AMMECR1: variants seen among roughly 807,000 people sequenced by gnomAD.
AMMECR1 encodes the protein AMMECR nuclear protein 1.
In AMMECR1, 3 loss-of-function variants were observed where a neutral mutation model predicts 22.5. The ratio of observed to expected loss-of-function variants is 0.13; its 90% CI spans 0.06 to 0.35. AMMECR1 has a LOEUF of 0.35. Ranked by LOEUF, AMMECR1 falls within the 10% of genes least tolerant of loss-of-function variation. AMMECR1 has a pLI of 1.00. For missense variants in AMMECR1, 235 were observed against 278.7 expected (o/e 0.84, Z 1.12); for synonymous variants, 130 against 116.7 (o/e 1.11, Z -0.74).
intron 2 of AMMECR1, among the ~76,000 whole-genome samples, chrX:110,405,291 G>A (rs1425924848): frequency 8.9e-6 from 1 of 111,838 alleles, no homozygotes; most frequent in Non-Finnish European, 1.9e-5. Context: ...GTAAAGAGGG[G>A]AACATTAAAA....
chrX:110,395,526 G>C, intron 2 of AMMECR1, among the ~76,000 whole-genome samples: 1 of 112,464 alleles, frequency 8.9e-6, no homozygotes, highest in East Asian at 2.8e-4. Context: ...TAACAGAAGA[G>C]GATACAAAAG....
chrX:110,403,978 A>G (rs1229841266), intron 2 of AMMECR1, among the ~76,000 whole-genome samples: 1 of 112,207 alleles, frequency 8.9e-6, no homozygotes, highest in Non-Finnish European at 1.9e-5. Context: ...TAGCCTGTGA[A>G]CTTCTTCTCC....
At chrX:110,356,115 A>G (rs1176319530) in intron 2 of AMMECR1, among the ~76,000 whole-genome samples, 1 of 108,428 alleles carries the variant, frequency 9.2e-6, no homozygotes, top group Non-Finnish European at 1.9e-5. Context: ...TGTTGATCAA[A>G]TTATATAAAA....
intron 2 of AMMECR1, among the ~76,000 whole-genome samples, chrX:110,410,224 C>T (rs746023560): frequency 2.7e-4 from 30 of 111,263 alleles, no homozygotes; most frequent in African/African-American, 6.9e-4. Context: ...GGTGGTGGGA[C>T]GATCTGACAT....
At chrX:110,296,819 T>A (rs1167730352) in intron 1 of AMMECR1, among the ~76,000 whole-genome samples, 1 of 110,936 alleles carries the variant, frequency 9.0e-6, no homozygotes, top group Non-Finnish European at 1.9e-5. Context: ...TTGAACAGGT[T>A]TACAATAACA....
intron 2 of AMMECR1, among the ~76,000 whole-genome samples, chrX:110,357,297 A>G (rs1261491968): frequency 8.9e-6 from 1 of 112,518 alleles, no homozygotes; most frequent in African/African-American, 3.2e-5. Context: ...TATACATAAA[A>G]TCAGAAAAGA....
At chrX:110,333,754 A>G (rs890155298) in intron 2 of AMMECR1, among the ~76,000 whole-genome samples, 4 of 109,842 alleles carry the variant, frequency 3.6e-5, no homozygotes, top group Non-Finnish European at 7.6e-5. Context: ...GTTCTCACTC[A>G]TAAGTGGGAG....
chrX:110,289,711 C>T (rs1486007806), intron 1 of AMMECR1, among the ~76,000 whole-genome samples: 1 of 112,000 alleles, frequency 8.9e-6, no homozygotes, highest in Non-Finnish European at 1.9e-5. Flanking sequence ...TCCTATTAGT[C>T]CACAGTATAC....
intron 2 of AMMECR1, among the ~76,000 whole-genome samples, chrX:110,382,776 A>G (rs1191771818): frequency 9.0e-6 from 1 of 111,541 alleles, no homozygotes; most frequent in African/African-American, 3.3e-5. Flanking sequence ...CCTTCTCCCC[A>G]TTTCCACTCA....
intron 2 of AMMECR1, among the ~76,000 whole-genome samples, chrX:110,377,485 A>G (rs1349245658): frequency 1.8e-5 from 2 of 111,775 alleles, no homozygotes; most frequent in Non-Finnish European, 3.8e-5. Flanking sequence ...TTCTTTTAAT[A>G]ATAAAAAGCA....
chrX:110,374,872 G>A (rs1302419292), intron 2 of AMMECR1, among the ~76,000 whole-genome samples: 1 of 110,848 alleles, frequency 9.0e-6, no homozygotes, highest in African/African-American at 3.3e-5. Context: ...GATTATGGAG[G>A]GCCTAAGAAG....
At chrX:110,357,013 T>C (rs1602923177) in intron 2 of AMMECR1, among the ~76,000 whole-genome samples, 1 of 112,132 alleles carries the variant, frequency 8.9e-6, no homozygotes, top group Non-Finnish European at 1.9e-5. Flanking sequence ...GAATTACTTT[T>C]CAAAATTCTT....
At chrX:110,338,915 G>T (rs1297008417) in intron 2 of AMMECR1, among the ~76,000 whole-genome samples, 1 of 111,785 alleles carries the variant, frequency 8.9e-6, no homozygotes, top group Non-Finnish European at 1.9e-5. Flanking sequence ...CCAGGGAACT[G>T]CCTGGGGTGC....
chrX:110,332,435 A>G (rs2068124497), intron 2 of AMMECR1, among the ~76,000 whole-genome samples: 1 of 112,111 alleles, frequency 8.9e-6, no homozygotes, highest in African/African-American at 3.2e-5. Context: ...AATACATGCA[A>G]TATTGAAATT....
chrX:110,376,461 A>G (rs2068377291), intron 2 of AMMECR1, among the ~76,000 whole-genome samples: 1 of 111,481 alleles, frequency 9.0e-6, no homozygotes, highest in African/African-American at 3.3e-5. Context: ...TATTAGCCCA[A>G]GTGAGTTAAG....
chrX:110,378,520 C>A (rs1378320139), intron 2 of AMMECR1, among the ~76,000 whole-genome samples: 1 of 112,040 alleles, frequency 8.9e-6, no homozygotes, highest in African/African-American at 3.2e-5. Context: ...TCCTGGCATT[C>A]GAAGCTCTCT....
intron 2 of AMMECR1, among the ~76,000 whole-genome samples, chrX:110,403,535 G>A (rs1310183009): frequency 9.0e-6 from 1 of 111,087 alleles, no homozygotes; most frequent in Non-Finnish European, 1.9e-5. Flanking sequence ...CAGGGCAGCA[G>A]AATTGGGGCA....
chrX:110,209,068 CTTAGT>C (rs895546581), intron 3 of AMMECR1, among the ~76,000 whole-genome samples: 9 of 99,269 alleles, frequency 9.1e-5, no homozygotes, highest in African/African-American at 2.9e-4. Flanking sequence ...AGAGATGTGA[CTTAGT>C]TTACTTTCCA....
At chrX:110,246,417 C>T (rs1349600835) in intron 2 of AMMECR1, among the ~76,000 whole-genome samples, 2 of 112,362 alleles carry the variant, frequency 1.8e-5, no homozygotes, top group Non-Finnish European at 3.8e-5. Flanking sequence ...TTCAGAGATG[C>T]TTTAATCTTC....
Sources: allele counts gnomAD v4.1 joint callset (sites outside exome capture counted in the v4.1 genomes callset), GRCh38; gene constraint gnomAD v4.1.1; transcripts MANE v1.5; gene names NCBI Gene and HGNC (gene_info 2026-07-23, HGNC 2026-07-21).